FUBP3: variants seen among roughly 807,000 people sequenced by gnomAD.
The protein encoded by FUBP3 is far upstream element binding protein 3.
FUBP3 carries 28 observed loss-of-function variants against 85.6 expected under a neutral mutation model. The ratio of observed to expected loss-of-function variants is 0.33; its 90% CI spans 0.24 to 0.45. FUBP3 has a LOEUF of 0.45. FUBP3 is among the 20% of genes least tolerant of loss of function. FUBP3 has a pLI of 1.00. For synonymous variants in FUBP3, 271 were observed against 271.4 expected (o/e 1.00, Z 0.01); for missense variants, 583 against 755.1 (o/e 0.77, Z 2.67).
intron 2 of FUBP3, among the ~76,000 whole-genome samples, chr9:130,607,570 G>GT (rs1831523408): frequency 6.6e-6 from 1 of 151,982 alleles, no homozygotes; most frequent in Non-Finnish European, 1.5e-5. Flanking sequence ...AATATGATAG[G>GT]TGTTCCCATC....
rs756254482 is a variant in FUBP3, at chr9:130,637,032, C to A, written c.*10C>A. On this transcript the variant is annotated 3_prime_UTR_variant, in exon 19 of 19. Coordinates refer to ENST00000319725, the MANE Select transcript of FUBP3 (RefSeq NM_003934.2). ...CCCACAGGAGCAGTAGGACAGCGTC[C>A]TCGTGGCCAACTCTCCCCTCAAAAT... 1 of 1,610,020 alleles carries A rather than the reference C, an allele frequency of 6.2e-7. No homozygotes were observed. The highest frequency in any genetic ancestry group is 2.2e-5 in the East Asian group (1 of 44,876).
intron 1 of FUBP3, among the ~76,000 whole-genome samples, chr9:130,584,791 C>T (rs1297974030): frequency 6.6e-6 from 1 of 152,110 alleles, no homozygotes; most frequent in African/African-American, 2.4e-5. Flanking sequence ...ATTGCTTAAA[C>T]CCAGGAGGTG....
At chr9:130,615,844 TGAA>T (rs1171138924) in intron 6 of FUBP3, among the ~76,000 whole-genome samples, 45 of 152,230 alleles carry the variant, frequency 3.0e-4, no homozygotes, top group Non-Finnish European at 1.0e-4. Context: ...TTGTTGGTTA[TGAA>T]GAAGAAGCGT....
rs535698542 is a variant in FUBP3, at chr9:130,631,808, G to T, written c.1353-134G>T. 5 of 827,632 alleles carry T rather than the reference G, an allele frequency of 6.0e-6. No individual in the cohort carries two copies. In the African/African-American group the frequency reaches 8.4e-5, roughly 14 times the overall value. 51.3% of individuals were successfully genotyped at this position (827,632 alleles called of 1,614,324 possible). ...CGGCCTATCACTCACTGACCTCAGC[G>T]ATGGGGTGGGAGCCTCTCAGAGGGC... is the stretch of plus-strand genomic sequence containing the variant. On this transcript the variant is annotated intron_variant, in intron 14 of 18. Coordinates refer to ENST00000319725, the MANE Select transcript of FUBP3 (RefSeq NM_003934.2).
At chr9:130,598,100 T>A (rs1224026121) in intron 2 of FUBP3, among the ~76,000 whole-genome samples, 1 of 152,250 alleles carries the variant, frequency 6.6e-6, no homozygotes, top group Non-Finnish European at 1.5e-5. Flanking sequence ...ATTCTGGACC[T>A]ACTGGGTGAT....
chr9:130,623,809 G>A (rs1564218004), intron 11 of FUBP3, 98 bp downstream of exon 11: 3 of 647,990 alleles, frequency 4.6e-6, no homozygotes, highest in Non-Finnish European at 5.3e-6. Context: ...TCACCCTGAG[G>A]CGTCTCAAGT....
chr9:130,625,753 A>G (rs1192784666), intron 11 of FUBP3, among the ~76,000 whole-genome samples: 1 of 152,216 alleles, frequency 6.6e-6, no homozygotes, highest in East Asian at 1.9e-4. Context: ...AGGCCTTGGC[A>G]GGTTCCCTCT....
chr9:130,579,873 C>T, intron 1 of FUBP3, 109 bp downstream of exon 1: 1 of 648,206 alleles, frequency 1.5e-6, no homozygotes, highest in South Asian at 8.1e-5. Flanking sequence ...ACCGACGTCT[C>T]AGCCGGGCCG....
chr9:130,622,775 A>C lies in FUBP3; in HGVS notation c.839A>C (p.Gln280Pro). Residue 280 changes from glutamine to proline, a missense_variant, in exon 10 of 19, where the codon CAG becomes CCG. By Grantham distance (76) the Gln-to-Pro change is moderately conservative. Transcript: ENST00000319725. ...AACGGGGAAATGATCAAAAAGATCC[A>C]GAATGATGCTGGTGTGAGGATTCAG... ...GRNGEMIKKIQNDAGVRIQFK... is the reference protein window; with the variant it reads ...GRNGEMIKKIPNDAGVRIQFK... 6.3e-7 allele frequency: 1 copy of C among 1,597,974 alleles called. No individual in the cohort carries two copies. The highest frequency in any genetic ancestry group is 8.6e-7 in the Non-Finnish European group (1 of 1,167,142).
chr9:130,605,968 A>G (rs1831408707), intron 2 of FUBP3, among the ~76,000 whole-genome samples: 1 of 152,208 alleles, frequency 6.6e-6, no homozygotes, highest in Non-Finnish European at 1.5e-5. Flanking sequence ...TGGGAGACAG[A>G]GCGAGACTCT....
chr9:130,632,011 C>T lies in FUBP3; in HGVS notation c.1422C>T (p.Ser474=), dbSNP rs1564227452. The T allele has an allele frequency of 6.2e-7, 1 of 1,609,610 alleles. No individual in the cohort carries two copies. The highest frequency in any genetic ancestry group is 1.3e-5 in the African/African-American group (1 of 74,858). ...MAAKVNGNPH[S]TPVSGPPAFL... ...CCAAGGTGAATGGGAACCCCCACAG[C>T]ACCCCTGTGAGGTAGGTGACCTGCT... The change falls in exon 15 of 19, where the codon AGC becomes AGT. Residue 474 remains serine, a synonymous_variant. Coordinates refer to ENST00000319725, the MANE Select transcript of FUBP3 (RefSeq NM_003934.2).
intron 10 of FUBP3, 23 bp downstream of exon 10, chr9:130,622,833 C>A: frequency 5.2e-6 from 6 of 1,156,746 alleles, no homozygotes; most frequent in Non-Finnish European, 7.5e-6. Flanking sequence ...ATTTAAAAAT[C>A]CTTAGTGTTA....
intron 1 of FUBP3, among the ~76,000 whole-genome samples, chr9:130,591,678 C>T (rs1830631574): frequency 6.6e-6 from 1 of 152,084 alleles, no homozygotes; most frequent in Non-Finnish European, 1.5e-5. Context: ...GAGCTGTATC[C>T]CAGCTGTTAT....
At chr9:130,606,083 G>C (rs1831415802) in intron 2 of FUBP3, among the ~76,000 whole-genome samples, 1 of 152,172 alleles carries the variant, frequency 6.6e-6, no homozygotes, top group South Asian at 2.1e-4. Context: ...AATTATGCTT[G>C]CCAAAGGACT....
At chr9:130,622,365 C>T (rs2119098207) in intron 9 of FUBP3, among the ~76,000 whole-genome samples, 1 of 147,152 alleles carries the variant, frequency 6.8e-6, no homozygotes, top group South Asian at 2.2e-4. Context: ...GACACAGTGG[C>T]TCACGCCTGT....
intron 1 of FUBP3, among the ~76,000 whole-genome samples, chr9:130,585,675 A>G (rs1250946909): frequency 2.0e-5 from 3 of 152,258 alleles, no homozygotes; most frequent in African/African-American, 7.2e-5. Flanking sequence ...TGTGTTTCGT[A>G]AATGTCCTGA....
intron 1 of FUBP3, among the ~76,000 whole-genome samples, chr9:130,580,469 C>G (rs558887194): frequency 1.3e-5 from 2 of 152,226 alleles, no homozygotes; most frequent in African/African-American, 4.8e-5. Context: ...AAAATACTTA[C>G]TGGCTTCTGG....
intron 10 of FUBP3, 32 bp downstream of exon 10, chr9:130,622,842 TAAA>T (rs78083080): frequency 7.3e-4 from 603 of 825,052 alleles, no homozygotes; most frequent in South Asian, 1.2e-3. Flanking sequence ...TCCTTAGTGT[TAAA>T]AAAAAAAAAA....
chr9:130,614,385 C>G, intron 6 of FUBP3, 40 bp downstream of exon 6: 1 of 1,300,964 alleles, frequency 7.7e-7, no homozygotes. Flanking sequence ...ACTCTTCTTC[C>G]TCCTTCCCCA....
Sources: allele counts gnomAD v4.1 joint callset (sites outside exome capture counted in the v4.1 genomes callset), GRCh38; gene constraint gnomAD v4.1.1; transcripts MANE v1.5; gene names NCBI Gene and HGNC (gene_info 2026-07-23, HGNC 2026-07-21).